MAK: variants seen among roughly 807,000 people sequenced by gnomAD.
The protein encoded by MAK is male germ cell associated kinase.
MAK carries 65 observed loss-of-function variants against 82.6 expected under a neutral mutation model. The ratio of observed to expected loss-of-function variants is 0.79; its 90% CI spans 0.64 to 0.97. The LOEUF (loss-of-function observed/expected upper bound fraction) is 0.97. MAK is among the 50% of genes least tolerant of loss of function. The pLI is 0.00. For synonymous variants in MAK, 250 were observed against 274.2 expected (o/e 0.91, Z 0.87); for missense variants, 703 against 780.2 (o/e 0.90, Z 1.18).
At chr6:10,808,676 T>C (rs1776686107) in intron 6 of MAK, 134 bp downstream of exon 6, 1 of 933,198 alleles carries the variant, frequency 1.1e-6, no homozygotes, top group Non-Finnish European at 1.7e-6. Context: ...TCCTTCGCTT[T>C]CTTTAAAGAA....
At chr6:10,783,314 C>G (rs1175871625) in intron 11 of MAK, among the ~76,000 whole-genome samples, 1 of 152,134 alleles carries the variant, frequency 6.6e-6, no homozygotes, top group African/African-American at 2.4e-5. Context: ...CACTGTCTGT[C>G]CAGATCTTTC....
At chr6:10,781,502 C>A (rs145162511) in intron 11 of MAK, among the ~76,000 whole-genome samples, 1 of 150,190 alleles carries the variant, frequency 6.7e-6, no homozygotes. Flanking sequence ...TGGCTCACTG[C>A]AACCTCTGCC....
intron 10 of MAK, among the ~76,000 whole-genome samples, chr6:10,790,017 T>C (rs1173950186): frequency 6.6e-6 from 1 of 152,146 alleles, no homozygotes; most frequent in African/African-American, 2.4e-5. Flanking sequence ...AAACTGCAGA[T>C]TCAGGGGACT....
chr6:10,820,406 C>G (rs933704712), intron 2 of MAK, among the ~76,000 whole-genome samples: 4 of 152,042 alleles, frequency 2.6e-5, no homozygotes, highest in Non-Finnish European at 5.9e-5. Flanking sequence ...GCTGTGGAAC[C>G]GCACTGCCTG....
At chr6:10,813,128 ATATATAAATTT>A (rs1777158675) in intron 5 of MAK, among the ~76,000 whole-genome samples, 1 of 682 alleles carries the variant, frequency 1.5e-3, no homozygotes, top group Non-Finnish European at 2.8e-3. Context: ...ATATATATAT[ATATATAAATTT>A]TTTTTTTTTT....
chr6:10,792,644 A>C (rs1050691818), intron 9 of MAK, among the ~76,000 whole-genome samples: 4 of 152,234 alleles, frequency 2.6e-5, no homozygotes, highest in Non-Finnish European at 5.9e-5. Context: ...GGGGCACATA[A>C]ACAGAAAAAT....
chr6:10,803,615 A>G, intron 7 of MAK, 105 bp downstream of exon 7: 2 of 888,458 alleles, frequency 2.3e-6, no homozygotes, highest in South Asian at 1.5e-5. Context: ...AAAATATCAG[A>G]TATCTAGGCA....
At position 10,791,680 on chromosome 6, in the gene MAK, T is replaced by G; in HGVS notation, c.1311A>C (p.Pro437=). Residue 437 remains proline, a synonymous_variant, in exon 10 of 15, where the codon CCA becomes CCC. Transcript: ENST00000354489. ...VFKEKRKKDS[P]FRLPEPVPSG... is the part of the protein sequence containing the mutation. ...TGAGGAATTTGAAATCTTACCGAAA[T>G]GGAGAATCTTTTTTCCTTTTTTCTT... The G allele has an allele frequency of 6.2e-7, 1 of 1,612,524 alleles. No homozygotes were observed. The highest frequency in any genetic ancestry group is 8.5e-7 in the Non-Finnish European group (1 of 1,179,528).
At chr6:10,837,074 T>C (rs993505514) in intron 1 of MAK, among the ~76,000 whole-genome samples, 1 of 152,092 alleles carries the variant, frequency 6.6e-6, no homozygotes, top group Non-Finnish European at 1.5e-5. Flanking sequence ...AAATGAAGGG[T>C]AAAACAAGCG....
intron 9 of MAK, among the ~76,000 whole-genome samples, chr6:10,795,795 A>T (rs1394826755): frequency 6.6e-6 from 1 of 152,208 alleles, no homozygotes; most frequent in African/African-American, 2.4e-5. Flanking sequence ...AAACTTGGTT[A>T]CTTTTATCCT....
At chr6:10,812,956 G>C (rs1053604627) in intron 5 of MAK, among the ~76,000 whole-genome samples, 5 of 146,180 alleles carry the variant, frequency 3.4e-5, no homozygotes, top group Non-Finnish European at 7.5e-5. Context: ...GTAGAGATGG[G>C]GTTTCACCAT....
intron 8 of MAK, among the ~76,000 whole-genome samples, chr6:10,799,441 TAATG>T (rs2127553239): frequency 1.3e-5 from 2 of 152,296 alleles, no homozygotes; most frequent in South Asian, 4.1e-4. Context: ...ATTATGAAGG[TAATG>T]AATGTTTAGA....
At chr6:10,817,595 A>G (rs900581139) in intron 4 of MAK, among the ~76,000 whole-genome samples, 1 of 152,234 alleles carries the variant, frequency 6.6e-6, no homozygotes, top group African/African-American at 2.4e-5. Context: ...TATTTTAAAA[A>G]GCATAAATAG....
intron 8 of MAK, 127 bp downstream of exon 8, chr6:10,801,765 A>G (rs1291624040): frequency 2.4e-6 from 2 of 831,572 alleles, no homozygotes; most frequent in East Asian, 5.1e-5. Flanking sequence ...CTGGATGCCT[A>G]GGACTTTGTG....
intron 8 of MAK, chr6:10,797,688 C>G (rs1775674184): frequency 9.2e-7 from 1 of 1,086,872 alleles, no homozygotes; most frequent in Non-Finnish European, 1.1e-6. Flanking sequence ...CCCTGAACCT[C>G]CTGCCTTTAG....
rs574407111 is a variant in MAK at position 10,793,510 on chromosome 6, G to A, written c.1144-1663C>T. On this transcript the variant is annotated intron_variant, in intron 9 of 14. Coordinates refer to ENST00000354489, the MANE Select transcript of MAK (RefSeq NM_001242957.3). The surrounding 1 kb of genome is among the most constrained non-coding windows in gnomAD (Gnocchi z 4.6). ...AAATAATTAGAAATTGAAGAGGTAAGAGATCTTGCAACTTTTTGAATCCTA... is the reference window on the plus strand; with the variant it reads ...AAATAATTAGAAATTGAAGAGGTAAAAGATCTTGCAACTTTTTGAATCCTA... Among the ~76,000 whole-genome samples, 40 of 152,308 alleles carry A rather than the reference G, an allele frequency of 2.6e-4. No individual in the cohort carries two copies. The highest frequency in any genetic ancestry group is 7.2e-4 in the African/African-American group (30 of 41,564).
intron 11 of MAK, among the ~76,000 whole-genome samples, chr6:10,780,744 G>A (rs1170490894): frequency 6.6e-6 from 1 of 151,850 alleles, no homozygotes; most frequent in East Asian, 1.9e-4. Flanking sequence ...ACAGCACCCG[G>A]CAAAATGTAC....
chr6:10,811,256 C>T (rs1027222013), intron 5 of MAK, among the ~76,000 whole-genome samples: 1 of 152,262 alleles, frequency 6.6e-6, no homozygotes, highest in African/African-American at 2.4e-5. Context: ...GCCTTGGCCT[C>T]CCAAAGTGCT....
chr6:10,817,907 T>C lies in MAK; in HGVS notation c.221A>G (p.His74Arg), dbSNP rs1258804940. The C allele has an allele frequency of 1.9e-5, 27 of 1,420,800 alleles. No homozygotes were observed. The highest frequency in any genetic ancestry group is 2.5e-5 in the Non-Finnish European group (26 of 1,021,304). 88.0% of individuals were successfully genotyped at this position (1,420,800 alleles called of 1,614,324 possible). The change falls in exon 4 of 15, where the codon CAT (histidine) becomes CGT (arginine). Residue 74 changes from histidine to arginine, a missense_variant. Transcript: ENST00000354489. ...CATATATTCAAATATAAAATAAAGA[T>C]GGTCATTTTCTCTGATAACTTCTTT... ...KLKEVIREND[H>R]LYFIFEYMKE...
Sources: allele counts gnomAD v4.1 joint callset (sites outside exome capture counted in the v4.1 genomes callset), GRCh38; gene constraint gnomAD v4.1.1; non-coding constraint Gnocchi (gnomAD v3.1); transcripts MANE v1.5; gene names NCBI Gene and HGNC (gene_info 2026-07-23, HGNC 2026-07-21).